PTPRM: variants seen among roughly 807,000 people sequenced by gnomAD.
PTPRM encodes the protein protein tyrosine phosphatase receptor type M.
PTPRM carries 47 observed loss-of-function variants against 186.7 expected under a neutral mutation model. That is an observed-to-expected ratio of 0.25 (90% CI 0.20 to 0.32). The LOEUF is 0.32. PTPRM is among the 10% of genes least tolerant of loss of function. The pLI is 1.00. For missense variants in PTPRM, 1,494 were observed against 1,865.0 expected (o/e 0.80, Z 3.66); for synonymous variants, 668 against 674.9 (o/e 0.99, Z 0.16).
intron 14 of PTPRM, among the ~76,000 whole-genome samples, chr18:8,209,964 T>A (rs1204454306): frequency 7.6e-6 from 1 of 131,190 alleles, no homozygotes; most frequent in East Asian, 2.2e-4. Flanking sequence ...TTTCTGCACA[T>A]GTATCCCGGA....
At chr18:7,794,984 T>G (rs1261566594) in intron 2 of PTPRM, among the ~76,000 whole-genome samples, 1 of 152,168 alleles carries the variant, frequency 6.6e-6, no homozygotes, top group East Asian at 1.9e-4. Context: ...GTTCCCAGTC[T>G]ACATCCTGGC....
At chr18:7,674,842 A>G (rs1187104952) in intron 1 of PTPRM, among the ~76,000 whole-genome samples, 1 of 152,204 alleles carries the variant, frequency 6.6e-6, no homozygotes, top group Non-Finnish European at 1.5e-5. Context: ...TCTTAATCGT[A>G]TTTCTGTAGT....
intron 14 of PTPRM, among the ~76,000 whole-genome samples, chr18:8,210,940 G>A (rs1292074577): frequency 1.3e-5 from 2 of 152,188 alleles, no homozygotes; most frequent in Non-Finnish European, 2.9e-5. Context: ...GCTACTGGCA[G>A]GAAGGAATGT....
intron 11 of PTPRM, among the ~76,000 whole-genome samples, chr18:8,093,865 T>G (rs187339820): frequency 7.9e-5 from 12 of 152,364 alleles, no homozygotes; most frequent in Non-Finnish European, 1.5e-4. Context: ...ACCAGTGAGA[T>G]GTATTACTTA....
At chr18:8,024,623 C>G (rs983501781) in intron 7 of PTPRM, among the ~76,000 whole-genome samples, 1 of 150,740 alleles carries the variant, frequency 6.6e-6, no homozygotes, top group Non-Finnish European at 1.5e-5. Context: ...CTGCAAATCT[C>G]TCTCTTACAT....
At chr18:7,867,656 G>T (rs895095900) in intron 2 of PTPRM, among the ~76,000 whole-genome samples, 1 of 152,134 alleles carries the variant, frequency 6.6e-6, no homozygotes, top group Admixed American at 6.6e-5. Flanking sequence ...CAACCTTGTT[G>T]AATCTGATGA....
chr18:8,259,139 G>A (rs1054637027), intron 19 of PTPRM, among the ~76,000 whole-genome samples: 9 of 152,024 alleles, frequency 5.9e-5, no homozygotes, highest in African/African-American at 2.2e-4. Context: ...AGTAGAGATG[G>A]ATTTTCGCCA....
chr18:7,938,342 T>C (rs1168543144), intron 5 of PTPRM, among the ~76,000 whole-genome samples: 1 of 152,224 alleles, frequency 6.6e-6, no homozygotes, highest in Non-Finnish European at 1.5e-5. Context: ...AAAAGTGACG[T>C]TATTAACCAG....
At chr18:8,016,903 A>G (rs1305036364) in intron 7 of PTPRM, among the ~76,000 whole-genome samples, 1 of 152,214 alleles carries the variant, frequency 6.6e-6, no homozygotes, top group Non-Finnish European at 1.5e-5. Flanking sequence ...ATTTTCTTTC[A>G]TCTACATGGC....
At chr18:8,136,840 A>G (rs2092650632) in intron 13 of PTPRM, among the ~76,000 whole-genome samples, 1 of 152,272 alleles carries the variant, frequency 6.6e-6, no homozygotes, top group East Asian at 1.9e-4. Flanking sequence ...CTGGGCAACA[A>G]GACCTGAATG....
chr18:7,837,334 C>G (rs2046099420), intron 2 of PTPRM, among the ~76,000 whole-genome samples: 1 of 152,170 alleles, frequency 6.6e-6, no homozygotes, highest in Non-Finnish European at 1.5e-5. Flanking sequence ...TTGAGTTTTT[C>G]AGCTCTAGAA....
chr18:7,763,502 C>T (rs897139512), intron 1 of PTPRM, among the ~76,000 whole-genome samples: 1 of 152,158 alleles, frequency 6.6e-6, no homozygotes, highest in Non-Finnish European at 1.5e-5. Context: ...AAGAGCAAGA[C>T]ACATGTAACT....
intron 14 of PTPRM, among the ~76,000 whole-genome samples, chr18:8,239,917 G>C (rs989428288): frequency 6.6e-6 from 1 of 152,186 alleles, no homozygotes. Context: ...CAAGTTTGGA[G>C]ATTGGAGATT....
At chr18:8,279,410 C>T (rs79275385) in intron 19 of PTPRM, among the ~76,000 whole-genome samples, 2,385 of 152,216 alleles carry the variant, frequency 0.016, 59 homozygotes, top group African/African-American at 0.054. Flanking sequence ...TTGCTGCTGG[C>T]GCCCCATATA....
intron 1 of PTPRM, among the ~76,000 whole-genome samples, chr18:7,665,929 A>AG (rs1286797574): frequency 6.6e-6 from 1 of 152,064 alleles, no homozygotes; most frequent in Non-Finnish European, 1.5e-5. Context: ...TCAAAAAAAA[A>AG]ATAGAATATA....
intron 2 of PTPRM, among the ~76,000 whole-genome samples, chr18:7,840,133 A>G (rs1354885208): frequency 1.3e-5 from 2 of 151,232 alleles, no homozygotes; most frequent in African/African-American, 2.4e-5. Context: ...GTCCTTGGCA[A>G]TTCAAGACTG....
intron 2 of PTPRM, among the ~76,000 whole-genome samples, chr18:7,851,589 C>T (rs1388916699): frequency 1.3e-5 from 2 of 151,818 alleles, no homozygotes; most frequent in Non-Finnish European, 2.9e-5. Context: ...CAGAATTCTA[C>T]TTCTAATGAA....
intron 5 of PTPRM, among the ~76,000 whole-genome samples, chr18:7,939,785 C>G (rs1322719936): frequency 1.3e-5 from 2 of 152,194 alleles, no homozygotes; most frequent in Non-Finnish European, 2.9e-5. Flanking sequence ...TGGTAAAGAA[C>G]AGTGCGATGC....
rs773323815 is a variant in PTPRM, at chr18:7,820,753, G to A, written c.196+46482G>A. On this transcript the variant is annotated intron_variant, in intron 2 of 32. Coordinates refer to ENST00000580170, the MANE Select transcript of PTPRM (RefSeq NM_001105244.2). ...GGGTGACTTCCCCGGAAAGCACCAC[G>A]GTGGCCTCGCCTCTCTTTGGCTTCT... Among the ~76,000 whole-genome samples, 11 of 152,264 alleles carry A rather than the reference G, an allele frequency of 7.2e-5. No individual in the cohort carries two copies. In the East Asian group the frequency reaches 1.5e-3, roughly 21 times the overall value.
Sources: allele counts gnomAD v4.1 joint callset (sites outside exome capture counted in the v4.1 genomes callset), GRCh38; gene constraint gnomAD v4.1.1; transcripts MANE v1.5; gene names NCBI Gene and HGNC (gene_info 2026-07-23, HGNC 2026-07-21).